CMTM4: variants seen among roughly 807,000 people sequenced by gnomAD.
CMTM4 encodes the protein CKLF-like MARVEL transmembrane domain-containing protein 4.
CMTM4 carries 8 observed loss-of-function variants against 19.0 expected under a neutral mutation model. The observed-to-expected ratio is 0.42, with a 90% CI of 0.25 to 0.76. The LOEUF (loss-of-function observed/expected upper bound fraction) is 0.76. Among genes scored for constraint, CMTM4 ranks in the 30% least tolerant of loss-of-function variants. CMTM4 has a pLI of 0.27. For missense variants in CMTM4, 228 were observed against 290.2 expected (o/e 0.79, Z 1.56); for synonymous variants, 106 against 121.1 (o/e 0.88, Z 0.82).
At chr16:66,608,651 A>G in the CMTM4 span, among the ~76,000 whole-genome samples, 1 of 152,170 alleles carries the variant, frequency 6.6e-6, no homozygotes, top group East Asian at 1.9e-4. The surrounding 1 kb of genome is among the most constrained non-coding windows in gnomAD (Gnocchi z 5.1). Context: ...TGTGACCTCA[A>G]GTGGGCTGTG....
intron 1 of CMTM4, among the ~76,000 whole-genome samples, chr16:66,674,628 C>A (rs78753934): frequency 4.0e-5 from 6 of 151,788 alleles, no homozygotes; most frequent in African/African-American, 9.7e-5. Context: ...CGAAACGAGT[C>A]AGCAAGCTAC....
downstream of CMTM4, among the ~76,000 whole-genome samples, chr16:66,612,347 C>T (rs2015409003): frequency 6.6e-6 from 1 of 152,090 alleles, no homozygotes; most frequent in South Asian, 2.1e-4. This position sits in a 1 kb window ranked among gnomAD's most constrained non-coding sequence, Gnocchi z 6.0. Flanking sequence ...TGCACTCCAG[C>T]CTGGGTGATG....
At chr16:66,612,752 G>A (rs189880201), downstream of CMTM4, 2,483 of 984,896 alleles carry the variant, frequency 2.5e-3, 20 homozygotes, top group Non-Finnish European at 2.5e-3. This position sits in a 1 kb window ranked among gnomAD's most constrained non-coding sequence, Gnocchi z 6.0. Flanking sequence ...AGGGGGCTGC[G>A]GACACAGCAG....
chr16:66,692,212 T>C (rs1257036701), intron 1 of CMTM4, among the ~76,000 whole-genome samples: 3 of 152,104 alleles, frequency 2.0e-5, no homozygotes, highest in Admixed American at 6.6e-5. Context: ...TGCCTCAGCC[T>C]CTGGAGTATC....
In CMTM4 at chr16:66,691,443, G is replaced by T. The variant is rs80222063; in HGVS notation, c.186+4897C>A. ...AGGCGGAGGTAAGTGACTCATGCCT[G>T]TAATCTCAGCACTTTGGGAAGCCGA... On this transcript the variant is annotated intron_variant, in intron 1 of 3. Coordinates refer to ENST00000394106, the MANE Select transcript of CMTM4 (RefSeq NM_181521.3). Among the ~76,000 whole-genome samples, 699 of 152,344 alleles carry T rather than the reference G, an allele frequency of 4.6e-3. 7 individuals carry two copies. Among genetic ancestry groups the T allele is most frequent in the African/African-American group, 0.016 (665 of 41,588 alleles).
In CMTM4 at chr16:66,621,831, C is replaced by T; in HGVS notation, c.*227G>A. On this transcript the variant is annotated 3_prime_UTR_variant, in exon 4 of 4. Coordinates refer to ENST00000394106, the MANE Select transcript of CMTM4 (RefSeq NM_181521.3). ...AGGTAAGACCTCAAGTGGACCTGGG[C>T]AGTGACGCCGGCTGCTCCACAGCCC... 1 of 1,383,190 alleles carries T rather than the reference C, an allele frequency of 7.2e-7. No individual in the cohort carries two copies. The highest frequency in any genetic ancestry group is 9.4e-7 in the Non-Finnish European group (1 of 1,068,054). 85.7% of individuals were successfully genotyped at this position (1,383,190 alleles called of 1,614,324 possible). A position where few individuals can be genotyped will look rare whatever the true frequency, so the allele number is the denominator to read the frequency against.
At chr16:66,691,245 T>C (rs2017129355) in intron 1 of CMTM4, among the ~76,000 whole-genome samples, 2 of 152,236 alleles carry the variant, frequency 1.3e-5, no homozygotes. Flanking sequence ...GGCTCACGCC[T>C]GTAATCCCAG....
rs1567432168 is a variant in CMTM4, at chr16:66,683,169, A to ATATATG, written c.186+13170_186+13171insCATATA. On this transcript the variant is annotated intron_variant, in intron 1 of 3. Transcript: ENST00000394106. ...TATGTATATATATATACGTATATAT[A>ATATATG]TATATACATATGTATATATATATAC... Among the ~76,000 whole-genome samples, 460 of 84,260 alleles carry ATATATG rather than the reference A, an allele frequency of 5.5e-3. 2 individuals are homozygous for ATATATG. The highest frequency in any genetic ancestry group is 0.025 in the South Asian group (46 of 1,870). 55.3% of individuals were successfully genotyped at this position (84,260 alleles called of 152,430 possible).
At chr16:66,662,655 T>G (rs2016519376) in intron 1 of CMTM4, among the ~76,000 whole-genome samples, 1 of 152,058 alleles carries the variant, frequency 6.6e-6, no homozygotes. Flanking sequence ...CGAACCCCCT[T>G]GCTTTCCCCT....
chr16:66,603,416 T>C, the CMTM4 span, among the ~76,000 whole-genome samples: 2 of 151,908 alleles, frequency 1.3e-5, no homozygotes, highest in African/African-American at 4.8e-5. Flanking sequence ...GCCTCCTGAG[T>C]AGCTGAGATT....
At chr16:66,609,343 C>A in the CMTM4 span, 1 of 1,125,148 alleles carries the variant, frequency 8.9e-7, no homozygotes, top group Non-Finnish European at 1.3e-6. The surrounding 1 kb of genome is among the most constrained non-coding windows in gnomAD (Gnocchi z 4.4). Context: ...GGTGCTAGGC[C>A]TGGGGCTGGG....
intron 2 of CMTM4, among the ~76,000 whole-genome samples, chr16:66,628,944 T>C (rs2015797199): frequency 6.6e-6 from 1 of 152,256 alleles, no homozygotes; most frequent in Non-Finnish European, 1.5e-5. Context: ...CAAGTTTTCA[T>C]TTCTCTTGGG....
chr16:66,635,639 C>T (rs2144809918), intron 2 of CMTM4, among the ~76,000 whole-genome samples: 1 of 152,218 alleles, frequency 6.6e-6, no homozygotes, highest in South Asian at 2.1e-4. Context: ...GTGCCCACGG[C>T]GTTCTCATCC....
intron 2 of CMTM4, among the ~76,000 whole-genome samples, chr16:66,630,683 C>T (rs1439154676): frequency 6.6e-5 from 10 of 151,842 alleles, no homozygotes; most frequent in African/African-American, 2.2e-4. Context: ...GATCTCGGCT[C>T]GCTACAACCT....
In CMTM4 at chr16:66,620,692, A is replaced by G. The variant is rs982200291; in HGVS notation, c.*1366T>C. The G allele has an allele frequency of 3.0e-6, 3 of 985,846 alleles. No homozygotes were observed. Among genetic ancestry groups the G allele is most frequent in the Non-Finnish European group, 3.6e-6 (3 of 829,924 alleles). 61.1% of individuals were successfully genotyped at this position (985,846 alleles called of 1,614,324 possible). A position where few individuals can be genotyped will look rare whatever the true frequency, so the allele number is the denominator to read the frequency against. ...TGTTACTGCAAAATCTTCCTGCCACAGTAAGTGCTTTTTGGTGAGGGCTAA... is the reference window on the plus strand; with the variant it reads ...TGTTACTGCAAAATCTTCCTGCCACGGTAAGTGCTTTTTGGTGAGGGCTAA... On this transcript the variant is annotated 3_prime_UTR_variant, in exon 4 of 4. Coordinates refer to ENST00000394106, the MANE Select transcript of CMTM4 (RefSeq NM_181521.3).
chr16:66,694,060 G>C (rs764685091), intron 1 of CMTM4, among the ~76,000 whole-genome samples: 1 of 151,758 alleles, frequency 6.6e-6, no homozygotes, highest in Admixed American at 6.6e-5. Flanking sequence ...AAGAAAGAGA[G>C]AGGGAGAGAG....
At position 66,621,749 on chromosome 16, in the gene CMTM4, G is replaced by T; in HGVS notation, c.*309C>A. 8.6e-7 allele frequency: 1 copy of T among 1,168,358 alleles called. No individual in the cohort carries two copies. The highest frequency in any genetic ancestry group is 1.1e-6 in the Non-Finnish European group (1 of 940,068). 72.4% of individuals were successfully genotyped at this position (1,168,358 alleles called of 1,614,324 possible). On this transcript the variant is annotated 3_prime_UTR_variant, in exon 4 of 4. Transcript: ENST00000394106. ...GCAGCCCCATTTAATCCAAAGTCTT[G>T]TTACAAATACACACGACAAGGTGGC...
Position 66,617,259 on chromosome 16 carries a change from C to T in CMTM4, c.*4799G>A. The T allele has an allele frequency of 1.2e-6, 2 of 1,611,916 alleles. No homozygotes were observed. The highest frequency in any genetic ancestry group is 1.7e-5 in the Admixed American group (1 of 59,944). Reference sequence around the variant, plus strand: ...ATGAAATAGATACACAGTTCAAGGACCCATCATCTGAACTTTTCTAGGCAA... The same window carrying T: ...ATGAAATAGATACACAGTTCAAGGATCCATCATCTGAACTTTTCTAGGCAA... On this transcript the variant is annotated 3_prime_UTR_variant, in exon 4 of 4. Coordinates refer to ENST00000394106, the MANE Select transcript of CMTM4 (RefSeq NM_181521.3).
chr16:66,683,286 C>CTTTTTTTTTT (rs781263895), intron 1 of CMTM4, among the ~76,000 whole-genome samples: 2 of 78,840 alleles, frequency 2.5e-5, no homozygotes, highest in Non-Finnish European at 4.8e-5. Context: ...TTTTTCTTTT[C>CTTTTTTTTTT]TTTTTTTTTT....
Sources: allele counts gnomAD v4.1 joint callset (sites outside exome capture counted in the v4.1 genomes callset), GRCh38; gene constraint gnomAD v4.1.1; non-coding constraint Gnocchi (gnomAD v3.1); transcripts MANE v1.5; gene names NCBI Gene and HGNC (gene_info 2026-07-23, HGNC 2026-07-21).